PLAAT3: variants seen among roughly 807,000 people sequenced by gnomAD.
PLAAT3 encodes phospholipase A and acyltransferase 3.
Under a neutral mutation model 16.7 loss-of-function variants are expected in PLAAT3, and 21 were observed. That is an observed-to-expected ratio of 1.26 (90% CI 0.89 to 1.81). The LOEUF (loss-of-function observed/expected upper bound fraction) is 1.81. Among genes scored for constraint, PLAAT3 ranks in the 40% most tolerant of loss-of-function variants. PLAAT3 has a pLI of 0.00. For missense variants in PLAAT3, 219 were observed against 213.7 expected, an observed-to-expected ratio of 1.02 and a Z score of -0.16; for synonymous variants, 76 against 81.7, an observed-to-expected ratio of 0.93 and a Z score of 0.38.
At chr11:63,610,825 G>A (rs906772916) in intron 2 of PLAAT3, among the ~76,000 whole-genome samples, 1 of 152,132 alleles carries the variant, frequency 6.6e-6, no homozygotes, top group Admixed American at 6.6e-5. Flanking sequence ...TGGCGCAGGT[G>A]GAGGAGGGAA....
chr11:63,582,899 G>A (rs933494851), intron 4 of PLAAT3, among the ~76,000 whole-genome samples: 10 of 152,150 alleles, frequency 6.6e-5, no homozygotes, highest in South Asian at 4.1e-4. Context: ...TTGGGAGGCC[G>A]AGGCAGGCGG....
At chr11:63,597,590 C>T (rs1237082652) in intron 3 of PLAAT3, among the ~76,000 whole-genome samples, 1 of 152,178 alleles carries the variant, frequency 6.6e-6, no homozygotes, top group Non-Finnish European at 1.5e-5. Flanking sequence ...TTCTTTATAG[C>T]AGTGTGAAAA....
chr11:63,614,729 C>T (rs898197393), upstream of PLAAT3, among the ~76,000 whole-genome samples: 1 of 151,786 alleles, frequency 6.6e-6, no homozygotes, highest in Non-Finnish European at 1.5e-5. Flanking sequence ...AAATATACCA[C>T]CAAGGGCCGG....
At chr11:63,594,828 G>C (rs1479535228) in intron 3 of PLAAT3, among the ~76,000 whole-genome samples, 1 of 147,710 alleles carries the variant, frequency 6.8e-6, no homozygotes, top group Non-Finnish European at 1.5e-5. Context: ...AAAGGGAGAA[G>C]ATGACAATAC....
intron 3 of PLAAT3, among the ~76,000 whole-genome samples, chr11:63,596,543 C>T (rs1222978129): frequency 6.6e-6 from 1 of 151,572 alleles, no homozygotes; most frequent in East Asian, 1.9e-4. Context: ...AATGCAGAAT[C>T]AGTAGGAGCC....
At chr11:63,575,404 G>A (rs533712452) in intron 4 of PLAAT3, among the ~76,000 whole-genome samples, 17 of 152,326 alleles carry the variant, frequency 1.1e-4, no homozygotes, top group African/African-American at 4.1e-4. Flanking sequence ...AAGCAAAGGT[G>A]GAGTCAGGGA....
Position 63,595,082 on chromosome 11 carries a change from G to A in PLAAT3, c.118+2979C>T, listed in dbSNP as rs375333034. Among the ~76,000 whole-genome samples, 16 of 152,176 alleles carry A rather than the reference G, an allele frequency of 1.1e-4. No homozygotes were observed. The East Asian group carries it at 2.5e-3, about 24-fold the overall frequency. On this transcript the variant is annotated intron_variant, in intron 3 of 4. Transcript: ENST00000415826. ...GAGGCAGGCAGATCACTTGAGGTCA[G>A]GGGTTTGAGACCAGCCTGGCCAACA...
At chr11:63,602,952 G>A (rs1042546982) in intron 2 of PLAAT3, among the ~76,000 whole-genome samples, 3 of 152,112 alleles carry the variant, frequency 2.0e-5, no homozygotes, top group East Asian at 3.9e-4. Flanking sequence ...AATTAGCCAC[G>A]CCTGTTGGCA....
chr11:63,574,902 C>T lies in PLAAT3; in HGVS notation c.*43G>A, dbSNP rs1293173938. 1 of 1,168,098 alleles carries T rather than the reference C, an allele frequency of 8.6e-7. No homozygotes were observed. Among genetic ancestry groups the T allele is most frequent in the Admixed American group, 1.7e-5 (1 of 59,198 alleles). 72.4% of individuals were successfully genotyped at this position (1,168,098 alleles called of 1,614,324 possible). A position where few individuals can be genotyped will look rare whatever the true frequency, so the allele number is the denominator to read the frequency against. Reference sequence around the variant, plus strand: ...CAAACTCTCTAGCAAAACAAGACCCCCTTGATGTATAAAGTCATCGCTGAC... The same window carrying T: ...CAAACTCTCTAGCAAAACAAGACCCTCTTGATGTATAAAGTCATCGCTGAC... On this transcript the variant is annotated 3_prime_UTR_variant, in exon 5 of 5. Transcript: ENST00000415826.
intron 2 of PLAAT3, among the ~76,000 whole-genome samples, chr11:63,605,160 C>T (rs771334805): frequency 2.6e-5 from 4 of 152,084 alleles, no homozygotes; most frequent in African/African-American, 4.8e-5. Flanking sequence ...TTTGGGAAGC[C>T]AAGGTGGGTG....
intron 2 of PLAAT3, among the ~76,000 whole-genome samples, chr11:63,600,873 G>A (rs1938408856): frequency 6.6e-6 from 1 of 151,824 alleles, no homozygotes; most frequent in African/African-American, 2.4e-5. Flanking sequence ...CAAAGTTCTG[G>A]GATTACAGGC....
chr11:63,588,158 C>T (rs1224663890), intron 4 of PLAAT3, among the ~76,000 whole-genome samples: 1 of 151,298 alleles, frequency 6.6e-6, no homozygotes, highest in African/African-American at 2.4e-5. Context: ...CAACCTCTGC[C>T]TCCCGGATTC....
At chr11:63,613,129 C>A (rs1039848192) in intron 2 of PLAAT3, among the ~76,000 whole-genome samples, 13 of 152,020 alleles carry the variant, frequency 8.6e-5, no homozygotes, top group Admixed American at 8.5e-4. Context: ...CTTCACTCTG[C>A]GGCAGGGCTC....
intron 4 of PLAAT3, 131 bp downstream of exon 4, chr11:63,589,969 T>C: frequency 1.4e-6 from 1 of 695,780 alleles, no homozygotes; most frequent in Non-Finnish European, 2.2e-6. Context: ...GTCCCAACTG[T>C]GACATCCTCA....
At chr11:63,588,365 C>T (rs1938040217) in intron 4 of PLAAT3, among the ~76,000 whole-genome samples, 1 of 152,098 alleles carries the variant, frequency 6.6e-6, no homozygotes, top group Non-Finnish European at 1.5e-5. Flanking sequence ...CCACTGTGCC[C>T]GGCCTAAAAT....
At chr11:63,600,888 G>A (rs1340549013) in intron 2 of PLAAT3, among the ~76,000 whole-genome samples, 1 of 152,066 alleles carries the variant, frequency 6.6e-6, no homozygotes, top group Non-Finnish European at 1.5e-5. Flanking sequence ...ACAGGCGTGA[G>A]CCACCACGCC....
rs77770401 is a variant in PLAAT3, at chr11:63,582,434, A to G, written c.388-7388T>C. Reference sequence around the variant, plus strand: ...CAAAATAAACAAGAACTTGTAGGTTACTTGACATGGTTTCCCTTGTGGAGA... The same window carrying G: ...CAAAATAAACAAGAACTTGTAGGTTGCTTGACATGGTTTCCCTTGTGGAGA... On this transcript the variant is annotated intron_variant, in intron 4 of 4. Transcript: ENST00000415826. Among the ~76,000 whole-genome samples the G allele has an allele frequency of 9.9e-3, 1,513 of 152,350 alleles. 13 individuals carry two copies. The highest frequency in any genetic ancestry group is 0.02 in the Middle Eastern group (6 of 294).
chr11:63,577,666 G>T (rs1937652670), intron 4 of PLAAT3, among the ~76,000 whole-genome samples: 1 of 152,134 alleles, frequency 6.6e-6, no homozygotes, highest in Non-Finnish European at 1.5e-5. Context: ...ATTACCACTG[G>T]AGAATAAGAC....
chr11:63,581,029 C>T (rs985569754), intron 4 of PLAAT3, among the ~76,000 whole-genome samples: 4 of 152,178 alleles, frequency 2.6e-5, no homozygotes, highest in African/African-American at 9.7e-5. Context: ...TATCACTTCC[C>T]CAATTAATAC....
Sources: allele counts gnomAD v4.1 joint callset (sites outside exome capture counted in the v4.1 genomes callset), GRCh38; gene constraint gnomAD v4.1.1; transcripts MANE v1.5; gene names NCBI Gene and HGNC (gene_info 2026-07-23, HGNC 2026-07-21).